Variants in CCDC6 observed in about 807,000 individuals in gnomAD.
The protein encoded by CCDC6 is coiled-coil domain-containing protein 6.
In CCDC6, 20 loss-of-function variants were observed where a neutral mutation model predicts 56.6. The observed-to-expected ratio is 0.35, with a 90% CI of 0.25 to 0.51. CCDC6 has a LOEUF of 0.51. Ranked by LOEUF, CCDC6 falls within the 20% of genes least tolerant of loss-of-function variation. The pLI is 0.95. For missense variants in CCDC6, 367 were observed against 601.1 expected (o/e 0.61, Z 4.07); for synonymous variants, 241 against 234.4 (o/e 1.03, Z -0.26).
chr10:59,901,570 C>A lies in CCDC6; in HGVS notation c.303+4552G>T, dbSNP rs549886759. On this transcript the variant is annotated intron_variant, in intron 1 of 8. Transcript: ENST00000263102. The stretch of plus-strand genomic sequence containing the variant: ...ACTTCTGTATTTCCCTTAACTTCTA[C>A]AATAAAGGATTAATTTTACAGTCAG... Among the ~76,000 whole-genome samples the A allele has an allele frequency of 3.3e-5, 5 of 152,278 alleles. No individual in the cohort carries two copies. In the East Asian group the frequency reaches 9.6e-4, roughly 29 times the overall value.
chr10:59,905,637 C>T (rs1200131862), intron 1 of CCDC6, among the ~76,000 whole-genome samples: 5 of 152,202 alleles, frequency 3.3e-5, no homozygotes, highest in Non-Finnish European at 7.3e-5. Context: ...ATCCAGCTAG[C>T]GCAGTCCAGA....
intron 3 of CCDC6, among the ~76,000 whole-genome samples, chr10:59,821,631 T>C (rs2070750434): frequency 6.6e-6 from 1 of 152,152 alleles, no homozygotes; most frequent in South Asian, 2.1e-4. Context: ...ACACAGCTCA[T>C]GCAATGCTGA....
intron 2 of CCDC6, among the ~76,000 whole-genome samples, chr10:59,849,825 C>T (rs2071022948): frequency 6.6e-6 from 1 of 152,166 alleles, no homozygotes; most frequent in South Asian, 2.1e-4. Context: ...TTGAAAAAGT[C>T]TATTGGTATC....
intron 1 of CCDC6, among the ~76,000 whole-genome samples, chr10:59,901,570 C>T (rs549886759): frequency 1.3e-4 from 20 of 152,278 alleles, no homozygotes; most frequent in East Asian, 3.9e-4. Flanking sequence ...TTAACTTCTA[C>T]AATAAAGGAT....
chr10:59,789,068 T>C lies in CCDC6; in HGVS notation c.*3849A>G. 5.5e-6 allele frequency: 1 copy of C among 180,712 alleles called. No homozygotes were observed. Among genetic ancestry groups the C allele is most frequent in the Non-Finnish European group, 1.0e-5 (1 of 99,164 alleles). The allele number at this position is 180,712 out of a possible 1,614,324, so 11.2% of individuals were successfully genotyped here. ...TCCACTTTCGCTTTCCAGGCTAAGT[T>C]CCAAATCAAGTCCAAAGAAGGCTCA... On this transcript the variant is annotated 3_prime_UTR_variant, in exon 9 of 9. Transcript: ENST00000263102.
In CCDC6 at chr10:59,792,862, A is replaced by T; in HGVS notation, c.*55T>A. On this transcript the variant is annotated 3_prime_UTR_variant, in exon 9 of 9. Transcript: ENST00000263102. ...CCAGAGAAGGAAGCCTTTGGCGTTGAGTAGACGGCTCCATTGGATGAGTCC... is the reference window on the plus strand; with the variant it reads ...CCAGAGAAGGAAGCCTTTGGCGTTGTGTAGACGGCTCCATTGGATGAGTCC... 6.4e-7 allele frequency: 1 copy of T among 1,559,564 alleles called. No homozygotes were observed. The highest frequency in any genetic ancestry group is 8.8e-7 in the Non-Finnish European group (1 of 1,130,614).
At chr10:59,853,369 T>C (rs935320690) in intron 1 of CCDC6, among the ~76,000 whole-genome samples, 2 of 151,688 alleles carry the variant, frequency 1.3e-5, no homozygotes, top group South Asian at 2.1e-4. Context: ...CCTGTCTCTA[T>C]AAAAAATACA....
intron 1 of CCDC6, among the ~76,000 whole-genome samples, chr10:59,873,333 A>T (rs1158217244): frequency 6.6e-6 from 1 of 152,118 alleles, no homozygotes; most frequent in Admixed American, 6.5e-5. Flanking sequence ...AAGAAGGGAA[A>T]ATACAGACAG....
intron 3 of CCDC6, among the ~76,000 whole-genome samples, chr10:59,817,093 G>A (rs1046641574): frequency 4.6e-5 from 7 of 152,182 alleles, no homozygotes; most frequent in Non-Finnish European, 7.3e-5. Flanking sequence ...ATGAGAAATT[G>A]TGGGACCCTT....
chr10:59,853,586 G>A lies in CCDC6; in HGVS notation c.304-884C>T, dbSNP rs73263469. On this transcript the variant is annotated intron_variant, in intron 1 of 8. Transcript: ENST00000263102. ...AGGCATTACAAATGTACATGGACAC[G>A]TGTTCACTGAATAGCTGAATAATTA... Among the ~76,000 whole-genome samples the A allele has an allele frequency of 8.8e-3, 1,330 of 151,312 alleles. 26 individuals are homozygous for A. The highest frequency in any genetic ancestry group is 0.03 in the African/African-American group (1,243 of 40,958).
At chr10:59,863,166 A>G (rs954866310) in intron 1 of CCDC6, among the ~76,000 whole-genome samples, 2 of 152,178 alleles carry the variant, frequency 1.3e-5, no homozygotes, top group Non-Finnish European at 2.9e-5. Context: ...CTTAGAGATA[A>G]CTTATGAGAT....
chr10:59,847,505 T>G (rs1409873819), intron 2 of CCDC6, among the ~76,000 whole-genome samples: 4 of 152,110 alleles, frequency 2.6e-5, no homozygotes, highest in Admixed American at 2.0e-4. Context: ...TCCTGTCACT[T>G]GCAAATGAGC....
chr10:59,817,470 C>A (rs1589039269), intron 3 of CCDC6, among the ~76,000 whole-genome samples: 1 of 152,094 alleles, frequency 6.6e-6, no homozygotes, highest in Non-Finnish European at 1.5e-5. Context: ...TGAGCCACTG[C>A]CCCCAGCCTC....
chr10:59,862,544 CACACACACACACAT>C (rs1257438001), intron 1 of CCDC6, among the ~76,000 whole-genome samples: 5 of 107,948 alleles, frequency 4.6e-5, no homozygotes, highest in African/African-American at 2.5e-4. Context: ...CACACACACA[CACACACACACACAT>C]ATATATACAC....
intron 1 of CCDC6, among the ~76,000 whole-genome samples, chr10:59,867,605 G>A (rs1440929871): frequency 6.6e-6 from 1 of 152,190 alleles, no homozygotes; most frequent in Non-Finnish European, 1.5e-5. Context: ...CCAGGCTGAA[G>A]TGCAGTGGCA....
chr10:59,906,341 C>G lies in CCDC6; in HGVS notation c.84G>C (p.Ser28=). ...CGCCACCGCCGCCGCCCGAGGTCGA[C>G]GAGCAGGACGACTGCATGGCGGCCG... is the stretch of plus-strand genomic sequence containing the variant. The part of the protein sequence containing the change: ...SSSAAMQSSC[S]STSGGGGGGG... The change falls in exon 1 of 9, where the codon TCG becomes TCC. Residue 28 remains serine (S), a synonymous_variant. Coordinates refer to ENST00000263102, the MANE Select transcript of CCDC6 (RefSeq NM_005436.5). The G allele has an allele frequency of 6.3e-7, 1 of 1,598,608 alleles. No homozygotes were observed. Among genetic ancestry groups the G allele is most frequent in the Non-Finnish European group, 8.5e-7 (1 of 1,178,720 alleles).
Position 59,807,316 on chromosome 10 carries a change from C to T in CCDC6, c.848-238G>A, listed in dbSNP as rs2070633706. On this transcript the variant is annotated intron_variant, in intron 5 of 8. Coordinates refer to ENST00000263102, the MANE Select transcript of CCDC6 (RefSeq NM_005436.5). ...CCTGGCTAACATGGTGAAACTCAGT[C>T]TCTACTAAAAATACAAACATTAGCT... Among the ~76,000 whole-genome samples, 3 of 152,046 alleles carry T rather than the reference C, an allele frequency of 2.0e-5. No homozygotes were observed. In the South Asian group the frequency reaches 6.2e-4, roughly 32 times the overall value.
intron 7 of CCDC6, among the ~76,000 whole-genome samples, chr10:59,803,098 A>G (rs1216588577): frequency 1.3e-5 from 2 of 152,204 alleles, no homozygotes; most frequent in Admixed American, 6.5e-5. Context: ...GAAGCTTCTG[A>G]AGAGAGATTT....
chr10:59,865,287 G>T lies in CCDC6; in HGVS notation c.304-12585C>A, dbSNP rs146430449. Among the ~76,000 whole-genome samples the T allele has an allele frequency of 1.3e-4, 20 of 152,274 alleles. No homozygotes were observed. The East Asian group carries it at 3.9e-3, about 29-fold the overall frequency. On this transcript the variant is annotated intron_variant, in intron 1 of 8. Transcript: ENST00000263102. ...GTTGCACCTGTGCAGAGAAAAGGAAGTAATCAAGCACCTCCTAACTTCAAA... is the reference window on the plus strand; with the variant it reads ...GTTGCACCTGTGCAGAGAAAAGGAATTAATCAAGCACCTCCTAACTTCAAA...
Sources: gnomAD v4.1 joint callset for allele counts (sites outside exome capture counted in the v4.1 genomes callset) on GRCh38, gnomAD v4.1.1 for gene constraint, MANE v1.5 for transcripts, NCBI Gene and HGNC (gene_info 2026-07-23, HGNC 2026-07-21) for gene names.